TSPAN11: variants seen among roughly 807,000 people sequenced by gnomAD.
The protein encoded by TSPAN11 is tetraspanin-11.
Under a neutral mutation model 32.9 loss-of-function variants are expected in TSPAN11, and 29 were observed. The observed-to-expected ratio is 0.88, with a 90% CI of 0.66 to 1.20. The LOEUF is 1.20. Among genes scored for constraint, TSPAN11 ranks in the 50% most tolerant of loss-of-function variants. The probability of loss-of-function intolerance (pLI) is 0.00; values close to 1 mark genes in which losing one functional copy is unlikely to be tolerated. For synonymous variants in TSPAN11, 140 were observed against 141.3 expected (o/e 0.99, Z 0.07); for missense variants, 283 against 329.1 (o/e 0.86, Z 1.08).
At chr12:30,969,646 G>C (rs968295444) in intron 3 of TSPAN11, among the ~76,000 whole-genome samples, 9 of 152,194 alleles carry the variant, frequency 5.9e-5, no homozygotes, top group African/African-American at 1.9e-4. Flanking sequence ...TTGTCTTGAT[G>C]GGGTGGTTCT....
chr12:31,015,439 T>A, the TSPAN11 span: 41 of 152,190 alleles, frequency 2.7e-4, no homozygotes, highest in African/African-American at 8.4e-4. The surrounding 1 kb of genome is among the most constrained non-coding windows in gnomAD (Gnocchi z 4.9). Flanking sequence ...ACTCCAAGGG[T>A]CAGGAGTTGG....
the TSPAN11 span, among the ~76,000 whole-genome samples, chr12:31,016,184 A>T: frequency 1.3e-5 from 2 of 152,324 alleles, no homozygotes; most frequent in East Asian, 3.9e-4. Context: ...GAGTCCACTT[A>T]TGTGAGGTGC....
intron 1 of TSPAN11, among the ~76,000 whole-genome samples, chr12:30,933,707 A>G (rs757957594): frequency 1.3e-5 from 2 of 152,188 alleles, no homozygotes; most frequent in Non-Finnish European, 1.5e-5. Context: ...TAGTGGCTGC[A>G]GCTGTGGACC....
intron 1 of TSPAN11, among the ~76,000 whole-genome samples, chr12:30,939,122 T>G (rs1455600926): frequency 6.6e-6 from 1 of 151,684 alleles, no homozygotes; most frequent in East Asian, 1.9e-4. Flanking sequence ...ATGCCTGTAG[T>G]CCCAGCTACT....
At chr12:30,965,779 G>A (rs1160626962) in intron 3 of TSPAN11, among the ~76,000 whole-genome samples, 1 of 152,194 alleles carries the variant, frequency 6.6e-6, no homozygotes, top group Non-Finnish European at 1.5e-5. Context: ...AGCAGAGGCA[G>A]GTGAAGCAAT....
chr12:30,996,486 A>G lies in TSPAN11; in HGVS notation c.*4571A>G, dbSNP rs991525988. On this transcript the variant is annotated 3_prime_UTR_variant, in exon 8 of 8. Coordinates refer to ENST00000546076, the MANE Select transcript of TSPAN11 (RefSeq NM_001370302.1). ...GAGAAGAGGTCTTAACCTAATGCGC[A>G]TAGAGAAATTGTTCTCATTGTAAAC... 1 of 152,190 alleles carries G rather than the reference A, an allele frequency of 6.6e-6. No individual in the cohort carries two copies. Among genetic ancestry groups the G allele is most frequent in the Non-Finnish European group, 1.5e-5 (1 of 68,034 alleles). The allele number at this position is 152,190 out of a possible 1,614,324, so 9.4% of individuals were successfully genotyped here.
At chr12:31,013,256 G>A in the TSPAN11 span, among the ~76,000 whole-genome samples, 1 of 152,176 alleles carries the variant, frequency 6.6e-6, no homozygotes, top group Non-Finnish European at 1.5e-5. Context: ...AAGCCTCTTA[G>A]CAGAATGTGT....
At chr12:30,942,476 C>A (rs866571480) in intron 1 of TSPAN11, among the ~76,000 whole-genome samples, 30 of 152,240 alleles carry the variant, frequency 2.0e-4, no homozygotes, top group African/African-American at 7.0e-4. Context: ...TTGTCACAAG[C>A]ACTGAAGTTC....
At chr12:30,953,145 G>C (rs754868242) in intron 1 of TSPAN11, among the ~76,000 whole-genome samples, 1 of 152,212 alleles carries the variant, frequency 6.6e-6, no homozygotes, top group South Asian at 2.1e-4. Flanking sequence ...TTTAGGACTA[G>C]AGTCTTAGGC....
the TSPAN11 span, among the ~76,000 whole-genome samples, chr12:31,011,377 G>C: frequency 6.6e-6 from 1 of 152,160 alleles, no homozygotes; most frequent in Non-Finnish European, 1.5e-5. Context: ...AAGATCAGGG[G>C]TGCCGCTGGG....
At chr12:30,957,655 TC>T (rs1938512836) in intron 2 of TSPAN11, among the ~76,000 whole-genome samples, 1 of 66,752 alleles carries the variant, frequency 1.5e-5, no homozygotes, top group Non-Finnish European at 3.1e-5. Context: ...CTCCCTCCCT[TC>T]CTCCCTTGCT....
At position 30,969,984 on chromosome 12, in the gene TSPAN11, C is replaced by G. The variant is rs560691395; in HGVS notation, c.276+5967C>G. ...TCCCTAACTTCCAGGCTGCCCTGTTCCCTGGAGCCTGGTGTCTCCTTCTTG... is the reference window on the plus strand; with the variant it reads ...TCCCTAACTTCCAGGCTGCCCTGTTGCCTGGAGCCTGGTGTCTCCTTCTTG... On this transcript the variant is annotated intron_variant, in intron 3 of 7. Coordinates refer to ENST00000546076, the MANE Select transcript of TSPAN11 (RefSeq NM_001370302.1). 2.7e-4 allele frequency among the ~76,000 whole-genome samples: 41 copies of G among 152,304 alleles called. No homozygotes were observed. The Middle Eastern group carries it at 0.014, about 51-fold the overall frequency.
chr12:30,986,212 A>T (rs1939198155), intron 7 of TSPAN11, among the ~76,000 whole-genome samples: 1 of 152,230 alleles, frequency 6.6e-6, no homozygotes, highest in African/African-American at 2.4e-5. Context: ...ACATGGTGTC[A>T]TAATGTTCCC....
At chr12:30,927,323 T>C (rs913031789) in intron 1 of TSPAN11, among the ~76,000 whole-genome samples, 1 of 152,258 alleles carries the variant, frequency 6.6e-6, no homozygotes. Context: ...GTAGGCCCTG[T>C]CACCTGTGTT....
intron 1 of TSPAN11, among the ~76,000 whole-genome samples, chr12:30,931,879 CAAAAAA>C (rs58500177): frequency 2.8e-4 from 17 of 60,884 alleles, no homozygotes; most frequent in East Asian, 7.1e-4. Flanking sequence ...GACGCTGTAT[CAAAAAA>C]AAAAAAAAAA....
chr12:30,941,993 A>T (rs1749236221), intron 1 of TSPAN11, among the ~76,000 whole-genome samples: 1 of 152,102 alleles, frequency 6.6e-6, no homozygotes, highest in Non-Finnish European at 1.5e-5. Context: ...CTCCAGGTAG[A>T]TTTTTCATGG....
At chr12:30,989,101 G>C (rs1202566907) in intron 7 of TSPAN11, among the ~76,000 whole-genome samples, 1 of 152,218 alleles carries the variant, frequency 6.6e-6, no homozygotes, top group African/African-American at 2.4e-5. Context: ...GCTGTGCCCA[G>C]TGCCAGGGCC....
At chr12:30,991,751 G>A in intron 7 of TSPAN11, 105 bp from the exon 8 acceptor site, 1 of 1,250,530 alleles carries the variant, frequency 8.0e-7, no homozygotes, top group Non-Finnish European at 1.2e-6. Context: ...CCTTTGCCCA[G>A]GCCCCAGGGT....
At chr12:30,959,648 C>T (rs143801820) in intron 2 of TSPAN11, among the ~76,000 whole-genome samples, 2,136 of 151,926 alleles carry the variant, frequency 0.014, 43 homozygotes, top group East Asian at 0.079. Context: ...GGCGTGGTGG[C>T]GCGTGCCTGT....
Sources: allele counts gnomAD v4.1 joint callset (sites outside exome capture counted in the v4.1 genomes callset), GRCh38; gene constraint gnomAD v4.1.1; non-coding constraint Gnocchi (gnomAD v3.1); transcripts MANE v1.5; gene names NCBI Gene and HGNC (gene_info 2026-07-23, HGNC 2026-07-21).